Variants in OS9 observed in about 807,000 individuals in gnomAD.
The protein encoded by OS9 is protein OS-9.
OS9 carries 58 observed loss-of-function variants against 84.7 expected under a neutral mutation model. The observed-to-expected ratio is 0.68, with a 90% CI of 0.55 to 0.85. The LOEUF is 0.85. OS9 is among the 40% of genes least tolerant of loss of function. The pLI, the probability that OS9 is intolerant of heterozygous loss-of-function variation, is 0.00. For synonymous variants in OS9, 278 were observed against 320.8 expected (o/e 0.87, Z 1.43); for missense variants, 760 against 850.9 (o/e 0.89, Z 1.33).
chr12:57,700,909 T>C (rs945093082), intron 5 of OS9, among the ~76,000 whole-genome samples: 1 of 152,020 alleles, frequency 6.6e-6, no homozygotes, highest in Non-Finnish European at 1.5e-5. Context: ...TTTTAAGTTA[T>C]AAAACATACA....
Position 57,716,622 on chromosome 12 carries a change from A to T in OS9, c.994-71A>T. 2.6e-6 allele frequency: 4 copies of T among 1,545,546 alleles called. No individual in the cohort carries two copies. The East Asian group carries it at 9.0e-5, about 35-fold the overall frequency. On this transcript the variant is annotated intron_variant, in intron 8 of 14. Transcript: ENST00000315970. ...CTAGGGATGCAAGGATATCCCCAGA[A>T]CCTTTGCCTTCATAGTATGGAGGGC... is the stretch of plus-strand genomic sequence containing the variant.
At chr12:57,709,682 T>C (rs1211272639) in intron 5 of OS9, among the ~76,000 whole-genome samples, 3 of 152,224 alleles carry the variant, frequency 2.0e-5, no homozygotes, top group Non-Finnish European at 4.4e-5. Context: ...ATATTCCCAC[T>C]GTGATGGTGG....
chr12:57,716,548 T>C (rs1463226314), intron 8 of OS9, 36 bp downstream of exon 8: 2 of 1,542,224 alleles, frequency 1.3e-6, no homozygotes, highest in Non-Finnish European at 1.8e-6. Context: ...AGGATGGGGA[T>C]GGGGAGGGTC....
rs755347857 is a variant in OS9, at chr12:57,720,485, G to A, written c.1845G>A (p.Thr615=). The A allele has an allele frequency of 1.9e-6, 3 of 1,613,412 alleles. No homozygotes were observed. Among genetic ancestry groups the A allele is most frequent in the Non-Finnish European group, 1.7e-6 (2 of 1,179,258 alleles). ...EGARWLTDED[T]RNLKEIFFNI... is the part of the protein sequence containing the mutation. ...CACGTTGGCTGACTGATGAGGACAC[G>A]AGAAACCTCAAGGAGATCTTCTTCA... Residue 615 remains threonine, a synonymous_variant, in exon 14 of 15, where the codon ACG becomes ACA. Transcript: ENST00000315970.
chr12:57,717,902 C>A lies in OS9; in HGVS notation c.1078C>A (p.Arg360=). The change falls in exon 10 of 15, where the codon CGA becomes AGA. Residue 360 remains arginine (R), a synonymous_variant. Transcript: ENST00000315970. The stretch of plus-strand genomic sequence containing the variant: ...GAACAACGTGCAGGTCAAAGTCATT[C>A]GAAGCCCTGCGGATTTGATTCGATT... ...FQNNVQVKVI[R]SPADLIRFIE... 1 of 1,611,602 alleles carries A rather than the reference C, an allele frequency of 6.2e-7. No individual in the cohort carries two copies. The highest frequency in any genetic ancestry group is 8.5e-7 in the Non-Finnish European group (1 of 1,179,094).
At chr12:57,715,465 G>T (rs777009301) in intron 5 of OS9, among the ~76,000 whole-genome samples, 8 of 152,036 alleles carry the variant, frequency 5.3e-5, no homozygotes, top group Non-Finnish European at 1.0e-4. Flanking sequence ...ACATAAATTG[G>T]TTACCTACAG....
At chr12:57,696,123 G>C in intron 4 of OS9, 85 bp downstream of exon 4, 1 of 1,273,168 alleles carries the variant, frequency 7.9e-7, no homozygotes, top group Non-Finnish European at 1.1e-6. Flanking sequence ...AAGATTAGCT[G>C]ATCTGTTTCT....
rs1009877437 is a variant in OS9 at position 57,719,504 on chromosome 12, A to G, written c.1600+322A>G. The G allele has an allele frequency of 1.1e-4, 33 of 303,806 alleles. No homozygotes were observed. The South Asian group carries it at 1.9e-3, about 17-fold the overall frequency. The allele number at this position is 303,806 out of a possible 1,614,324, so 18.8% of individuals were successfully genotyped here. The stretch of plus-strand genomic sequence containing the variant: ...AGTAATTGAATGCTTGTGAGTCTAT[A>G]TGCTGAAAACCACTTTAGGACTTTG... On this transcript the variant is annotated intron_variant, in intron 12 of 14. Coordinates refer to ENST00000315970, the MANE Select transcript of OS9 (RefSeq NM_006812.4).
intron 5 of OS9, among the ~76,000 whole-genome samples, chr12:57,697,995 A>C (rs1447731960): frequency 2.0e-5 from 3 of 151,648 alleles, no homozygotes; most frequent in Non-Finnish European, 2.9e-5. Context: ...GTAAGCATCC[A>C]CAGTGTTTTG....
At chr12:57,709,852 T>C (rs1253903753) in intron 5 of OS9, among the ~76,000 whole-genome samples, 1 of 151,976 alleles carries the variant, frequency 6.6e-6, no homozygotes, top group Non-Finnish European at 1.5e-5. Context: ...CTTTTTTTTT[T>C]TGTTATTACT....
At chr12:57,715,701 A>G (rs1954464200) in intron 5 of OS9, 59 bp from the exon 6 acceptor site, 1 of 1,297,142 alleles carries the variant, frequency 7.7e-7, no homozygotes, top group East Asian at 2.3e-5. Flanking sequence ...CACCTGCTCT[A>G]ATAACTAAAG....
rs1954673195 is a variant in OS9, at chr12:57,721,279, T to C, written c.*370T>C. On this transcript the variant is annotated 3_prime_UTR_variant, in exon 15 of 15. Coordinates refer to ENST00000315970, the MANE Select transcript of OS9 (RefSeq NM_006812.4). ...AGAGAGAGCAAGGAGGGCAGGACAC[T>C]TAGCAGGCACTGAGCAAGCAGGCCC... 4.4e-6 allele frequency: 1 copy of C among 224,938 alleles called. No homozygotes were observed. The highest frequency in any genetic ancestry group is 9.0e-6 in the Non-Finnish European group (1 of 111,626). The allele number at this position is 224,938 out of a possible 1,614,324, so 13.9% of individuals were successfully genotyped here. A position where few individuals can be genotyped will look rare whatever the true frequency, so the allele number is the denominator to read the frequency against.
chr12:57,713,298 T>TC (rs1223974847), intron 5 of OS9, among the ~76,000 whole-genome samples: 5 of 152,160 alleles, frequency 3.3e-5, no homozygotes, highest in Non-Finnish European at 5.9e-5. Flanking sequence ...GGACTGCCTC[T>TC]CCCCCTGGGC....
chr12:57,696,420 G>T (rs2140286821), intron 5 of OS9, 47 bp downstream of exon 5: 1 of 635,372 alleles, frequency 1.6e-6, no homozygotes, highest in Non-Finnish European at 2.4e-6. Flanking sequence ...GGACAGTTCA[G>T]ATTCTAAGGG....
chr12:57,698,216 C>CT (rs1953922977), intron 5 of OS9, among the ~76,000 whole-genome samples: 1 of 152,164 alleles, frequency 6.6e-6, no homozygotes, highest in Non-Finnish European at 1.5e-5. Flanking sequence ...CTAATATCAC[C>CT]TTTCTTGATT....
chr12:57,713,751 C>G (rs1456974438), intron 5 of OS9, among the ~76,000 whole-genome samples: 1 of 139,536 alleles, frequency 7.2e-6, no homozygotes, highest in African/African-American at 2.7e-5. Flanking sequence ...GAGCTTTAGT[C>G]TAACTGAGCT....
In OS9 at chr12:57,721,041, C is replaced by A; in HGVS notation, c.*132C>A. Reference sequence around the variant, plus strand: ...GGAGCTGAGCTGTGGACCTCTCGGGCAACTCTGTGGGTGTGGGGGCCCTGG... The same window carrying A: ...GGAGCTGAGCTGTGGACCTCTCGGGAAACTCTGTGGGTGTGGGGGCCCTGG... On this transcript the variant is annotated 3_prime_UTR_variant, in exon 15 of 15. Transcript: ENST00000315970. 9.4e-7 allele frequency: 1 copy of A among 1,065,144 alleles called. No homozygotes were observed. 66.0% of individuals were successfully genotyped at this position (1,065,144 alleles called of 1,614,324 possible). A position where few individuals can be genotyped will look rare whatever the true frequency, so the allele number is the denominator to read the frequency against.
At chr12:57,697,890 CGGA>C (rs59159102) in intron 5 of OS9, among the ~76,000 whole-genome samples, 2,177 of 128,612 alleles carry the variant, frequency 0.017, 81 homozygotes, top group Middle Eastern at 0.026. Flanking sequence ...CACACACACA[CGGA>C]ACCTAACATA....
In OS9 at chr12:57,720,910, G is replaced by C; in HGVS notation, c.*1G>C. On this transcript the variant is annotated 3_prime_UTR_variant, in exon 15 of 15. Coordinates refer to ENST00000315970, the MANE Select transcript of OS9 (RefSeq NM_006812.4). ...GGACCTGGACGAATTTGACTTCTGAGACCAACACTACACTTGACCCTTCAC... is the reference window on the plus strand; with the variant it reads ...GGACCTGGACGAATTTGACTTCTGACACCAACACTACACTTGACCCTTCAC... 6.2e-7 allele frequency: 1 copy of C among 1,614,104 alleles called. No individual in the cohort carries two copies.
Sources: allele counts gnomAD v4.1 joint callset (sites outside exome capture counted in the v4.1 genomes callset), GRCh38; gene constraint gnomAD v4.1.1; transcripts MANE v1.5; gene names NCBI Gene and HGNC (gene_info 2026-07-23, HGNC 2026-07-21).